ZNF595: variants seen among roughly 807,000 people sequenced by gnomAD.
ZNF595 encodes zinc finger protein 595.
ZNF595 carries 9 observed loss-of-function variants against 19.4 expected under a neutral mutation model. The observed-to-expected ratio is 0.46, with a 90% CI of 0.28 to 0.81. ZNF595 has a LOEUF of 0.81. ZNF595 is among the 30% of genes least tolerant of loss of function. ZNF595 has a pLI of 0.11. For missense variants in ZNF595, 729 were observed against 736.0 expected (o/e 0.99, Z 0.11); for synonymous variants, 255 against 255.9 (o/e 1.00, Z 0.03).
intron 3 of ZNF595, among the ~76,000 whole-genome samples, chr4:79,779 G>GA (rs1306944142): frequency 8.3e-6 from 1 of 120,802 alleles, no homozygotes; most frequent in African/African-American, 3.1e-5. Context: ...TCATTTCTTT[G>GA]AAAAAAGTCA....
chr4:76,667 T>C (rs1285047041), intron 3 of ZNF595, among the ~76,000 whole-genome samples: 7 of 152,268 alleles, frequency 4.6e-5, no homozygotes, highest in African/African-American at 1.7e-4. Flanking sequence ...TCTGAGAATA[T>C]CTCGATTCAT....
chr4:86,567 C>G lies in ZNF595; in HGVS notation c.1063C>G (p.Leu355Val). 6.2e-7 allele frequency: 1 copy of G among 1,613,758 alleles called. No individual in the cohort carries two copies. Among genetic ancestry groups the G allele is most frequent in the Non-Finnish European group, 8.5e-7 (1 of 1,179,820 alleles). Reference sequence around the variant, plus strand: ...CAAAGCTTTTAACCAATCCTCAAGTCTTATTATACACAGGAGCATTCATTC... The same window carrying G: ...CAAAGCTTTTAACCAATCCTCAAGTGTTATTATACACAGGAGCATTCATTC... ...CGKAFNQSSS[L>V]IIHRSIHSEQ... is the part of the protein sequence containing the mutation. The change falls in exon 4 of 4, where the codon CTT becomes GTT. Residue 355 changes from leucine to valine, a missense_variant. Transcript: ENST00000610261.
intron 3 of ZNF595, among the ~76,000 whole-genome samples, chr4:69,664 A>G (rs1713347222): frequency 6.6e-6 from 1 of 152,030 alleles, no homozygotes; most frequent in South Asian, 2.1e-4. Flanking sequence ...CAGTTTGCAC[A>G]TGTTTTCTCT....
In ZNF595 at chr4:85,589, G is replaced by A. The variant is rs1243875515; in HGVS notation, c.227-142G>A. The A allele has an allele frequency of 1.9e-5, 20 of 1,028,816 alleles. No homozygotes were observed. In the East Asian group the frequency reaches 2.6e-4, roughly 14 times the overall value. The allele number at this position is 1,028,816 out of a possible 1,614,324, so 63.7% of individuals were successfully genotyped here. On this transcript the variant is annotated intron_variant, in intron 3 of 3. Transcript: ENST00000610261. ...TTTGGTTTGTATATCTTTGTTACAT[G>A]TCTGTGAAGAAATTATGGCCTGTGA...
chr4:87,318 C>T lies in ZNF595; in HGVS notation c.1814C>T (p.Ser605Leu). 1 of 1,613,702 alleles carries T rather than the reference C, an allele frequency of 6.2e-7. No individual in the cohort carries two copies. Among genetic ancestry groups the T allele is most frequent in the Non-Finnish European group, 8.5e-7 (1 of 1,179,792 alleles). ...EECGKAFNWS[S>L]SLTKHKIIHT... Reference sequence around the variant, plus strand: ...TGTGGCAAAGCCTTCAATTGGTCCTCATCCCTTACTAAACATAAGATAATT... The same window carrying T: ...TGTGGCAAAGCCTTCAATTGGTCCTTATCCCTTACTAAACATAAGATAATT... Residue 605 changes from serine (S) to leucine (L), a missense_variant, in exon 4 of 4, where the codon TCA becomes TTA. Physicochemically the swap from Ser to Leu is moderately radical, Grantham distance 145. Transcript: ENST00000610261.
At chr4:85,250 A>G (rs1553800837) in intron 3 of ZNF595, among the ~76,000 whole-genome samples, 1 of 152,218 alleles carries the variant, frequency 6.6e-6, no homozygotes, top group Non-Finnish European at 1.5e-5. Flanking sequence ...GTTTGGTCTT[A>G]GCAGACCCAA....
intron 3 of ZNF595, among the ~76,000 whole-genome samples, chr4:85,284 C>T (rs570277290): frequency 1.3e-5 from 2 of 152,152 alleles, no homozygotes; most frequent in African/African-American, 4.8e-5. Context: ...AGTATAGCAC[C>T]GTTTCTCTCA....
chr4:79,937 C>T (rs574934013), intron 3 of ZNF595, among the ~76,000 whole-genome samples: 3 of 152,160 alleles, frequency 2.0e-5, no homozygotes, highest in African/African-American at 7.2e-5. Context: ...TTAGAATGTT[C>T]ACCTTTTTAA....
intron 1 of ZNF595, among the ~76,000 whole-genome samples, chr4:57,500 A>T (rs1442240443): frequency 6.6e-6 from 1 of 151,736 alleles, no homozygotes; most frequent in African/African-American, 2.4e-5. Flanking sequence ...GGACACTCTC[A>T]GCAGCATCAG....
chr4:62,165 T>C (rs1712892590), intron 3 of ZNF595, among the ~76,000 whole-genome samples: 1 of 66,912 alleles, frequency 1.5e-5, no homozygotes, highest in East Asian at 6.3e-4. Context: ...TCATTTGTAC[T>C]CTTTGAACAG....
At chr4:78,701 C>A (rs1553799246) in intron 3 of ZNF595, among the ~76,000 whole-genome samples, 1 of 152,110 alleles carries the variant, frequency 6.6e-6, no homozygotes. Flanking sequence ...CTTAAAATTG[C>A]TAACTTAAAC....
intron 3 of ZNF595, among the ~76,000 whole-genome samples, chr4:75,959 A>G (rs1349776334): frequency 1.3e-5 from 2 of 152,122 alleles, no homozygotes; most frequent in Admixed American, 6.6e-5. Context: ...GTGCATTCAC[A>G]GCTCAGTGCA....
At position 87,904 on chromosome 4, in the gene ZNF595, T is replaced by C. The variant is rs1714307064; in HGVS notation, c.*453T>C. ...CCCAGCTAATTTTTTGTATTTTCAGTAGAGACAGGGTTTCACAATGCTGGC... is the reference window on the plus strand; with the variant it reads ...CCCAGCTAATTTTTTGTATTTTCAGCAGAGACAGGGTTTCACAATGCTGGC... On this transcript the variant is annotated 3_prime_UTR_variant, in exon 4 of 4. Transcript: ENST00000610261. The C allele has an allele frequency of 6.5e-6, 1 of 152,678 alleles. No homozygotes were observed. Among genetic ancestry groups the C allele is most frequent in the Non-Finnish European group, 1.5e-5 (1 of 68,606 alleles). 9.5% of individuals were successfully genotyped at this position (152,678 alleles called of 1,614,324 possible).
chr4:87,562 T>TACACA lies in ZNF595; in HGVS notation c.*111_*112insACACA. 9.8e-7 allele frequency: 1 copy of TACACA among 1,020,024 alleles called. No homozygotes were observed. 63.2% of individuals were successfully genotyped at this position (1,020,024 alleles called of 1,614,324 possible). A position where few individuals can be genotyped will look rare whatever the true frequency, so the allele number is the denominator to read the frequency against. ...TTTTCTTATTTTAAATTTTTTAAAA[T>TACACA]TTCTGTAGGTACATAGTATGTGTAT... On this transcript the variant is annotated 3_prime_UTR_variant, in exon 4 of 4. Transcript: ENST00000610261.
intron 3 of ZNF595, among the ~76,000 whole-genome samples, chr4:76,047 T>A (rs1713647682): frequency 6.6e-6 from 1 of 152,054 alleles, no homozygotes; most frequent in African/African-American, 2.4e-5. Context: ...CATGCCACCA[T>A]GTCCGGCTAA....
At chr4:77,857 T>G (rs1288375227) in intron 3 of ZNF595, among the ~76,000 whole-genome samples, 1 of 152,164 alleles carries the variant, frequency 6.6e-6, no homozygotes, top group East Asian at 1.9e-4. Context: ...TGGCTCTTGC[T>G]GGATGTTTCA....
chr4:68,622 T>A, intron 3 of ZNF595: 1 of 152,326 alleles, frequency 6.6e-6, no homozygotes, highest in Non-Finnish European at 1.5e-5. Flanking sequence ...TTTATTATTT[T>A]AATTTTTGTG....
intron 3 of ZNF595, among the ~76,000 whole-genome samples, chr4:81,666 C>G (rs527368467): frequency 1.3e-5 from 2 of 152,176 alleles, no homozygotes; most frequent in Non-Finnish European, 2.9e-5. Context: ...AAAGCTAACA[C>G]TCAGTACACA....
rs1714296656 is a variant in ZNF595, at chr4:87,735, T to C, written c.*284T>C. ...CTTTAATTTTTTTTTTTTTTTTTTT[T>C]TTTGAGACAGAGTCTCGTTCTGTCG... On this transcript the variant is annotated 3_prime_UTR_variant, in exon 4 of 4. Coordinates refer to ENST00000610261, the MANE Select transcript of ZNF595 (RefSeq NM_182524.4). 2 of 193,900 alleles carry C rather than the reference T, an allele frequency of 1.0e-5. No homozygotes were observed. The highest frequency in any genetic ancestry group is 2.4e-5 in the African/African-American group (1 of 41,970). 12.0% of individuals were successfully genotyped at this position (193,900 alleles called of 1,614,324 possible). A position where few individuals can be genotyped will look rare whatever the true frequency, so the allele number is the denominator to read the frequency against.
Sources: gnomAD v4.1 joint callset for allele counts (sites outside exome capture counted in the v4.1 genomes callset) on GRCh38, gnomAD v4.1.1 for gene constraint, MANE v1.5 for transcripts, NCBI Gene and HGNC (gene_info 2026-07-23, HGNC 2026-07-21) for gene names.